Variants in QTMAN observed in about 807,000 individuals in gnomAD.
QTMAN encodes queuosine-tRNA mannosyltransferase, also known as tRNA-queuosine alpha-mannosyltransferase.
At chr2:144,193,303 A>C in the QTMAN span, among the ~76,000 whole-genome samples, 2 of 151,826 alleles carry the variant, frequency 1.3e-5, no homozygotes, top group Non-Finnish European at 2.9e-5. Context: ...ATGTTAACTG[A>C]AGAAAATGAA....
the QTMAN span, among the ~76,000 whole-genome samples, chr2:143,954,731 T>G: frequency 6.6e-6 from 1 of 152,132 alleles, no homozygotes; most frequent in African/African-American, 2.4e-5. Context: ...TAAAACCAAT[T>G]TATAAAATTC....
chr2:144,263,383 T>C, the QTMAN span, among the ~76,000 whole-genome samples: 5 of 152,250 alleles, frequency 3.3e-5, no homozygotes, highest in South Asian at 4.1e-4. Context: ...CAGTGTACCA[T>C]AGTGCAAAGA....
At chr2:143,965,480 T>C in the QTMAN span, among the ~76,000 whole-genome samples, 1 of 152,186 alleles carries the variant, frequency 6.6e-6, no homozygotes, top group African/African-American at 2.4e-5. Context: ...TCCTTTTCAT[T>C]GCACAGATGG....
chr2:144,273,081 T>C, the QTMAN span, among the ~76,000 whole-genome samples: 1 of 152,270 alleles, frequency 6.6e-6, no homozygotes, highest in East Asian at 1.9e-4. Context: ...TGATAAATAA[T>C]CCAGTATTTA....
the QTMAN span, among the ~76,000 whole-genome samples, chr2:144,049,038 C>T: frequency 9.4e-6 from 1 of 106,248 alleles, no homozygotes; most frequent in East Asian, 2.7e-4. Context: ...GTAGATCTAG[C>T]TGTAAATATG....
the QTMAN span, among the ~76,000 whole-genome samples, chr2:144,049,872 T>C: frequency 1.3e-5 from 2 of 152,144 alleles, no homozygotes; most frequent in Admixed American, 1.3e-4. Flanking sequence ...ATCTATTATG[T>C]TTACATTTCT....
chr2:143,978,737 A>C, the QTMAN span, among the ~76,000 whole-genome samples: 1 of 152,082 alleles, frequency 6.6e-6, no homozygotes, highest in Non-Finnish European at 1.5e-5. Flanking sequence ...CTATGGAACT[A>C]AACTTTCCTC....
the QTMAN span, among the ~76,000 whole-genome samples, chr2:143,988,089 G>A: frequency 6.6e-6 from 1 of 152,192 alleles, no homozygotes; most frequent in African/African-American, 2.4e-5. Flanking sequence ...TGGCCACCAA[G>A]GCATGGGAAC....
the QTMAN span, among the ~76,000 whole-genome samples, chr2:144,127,350 C>G: frequency 2.6e-5 from 4 of 151,960 alleles, no homozygotes; most frequent in Non-Finnish European, 5.9e-5. Flanking sequence ...AGGAAAGGGT[C>G]ATGAGTATCC....
the QTMAN span, among the ~76,000 whole-genome samples, chr2:144,217,358 A>C: frequency 6.6e-6 from 1 of 152,026 alleles, no homozygotes; most frequent in Non-Finnish European, 1.5e-5. Context: ...ATACAATATA[A>C]GTTAAAAAAA....
chr2:144,125,991 C>A, the QTMAN span, among the ~76,000 whole-genome samples: 2 of 151,904 alleles, frequency 1.3e-5, no homozygotes, highest in Non-Finnish European at 1.5e-5. Flanking sequence ...AATGCCAACA[C>A]GTATGGAGAA....
chr2:144,118,881 A>AAAAT, the QTMAN span, among the ~76,000 whole-genome samples: 216 of 152,260 alleles, frequency 1.4e-3, no homozygotes, highest in Non-Finnish European at 2.5e-3. Flanking sequence ...ACTTCATCTC[A>AAAAT]AAATAAATAA....
the QTMAN span, among the ~76,000 whole-genome samples, chr2:144,135,271 C>T: frequency 4.6e-5 from 7 of 152,132 alleles, no homozygotes; most frequent in African/African-American, 1.7e-4. Flanking sequence ...AAGTTGGATG[C>T]TGCGCAGATG....
the QTMAN span, chr2:144,332,541 C>T: frequency 6.7e-6 from 1 of 148,182 alleles, no homozygotes; most frequent in Non-Finnish European, 1.5e-5. Flanking sequence ...CCGCGGATGC[C>T]GCCGCCCCTC....
At chr2:144,205,085 T>C in the QTMAN span, among the ~76,000 whole-genome samples, 3 of 152,044 alleles carry the variant, frequency 2.0e-5, no homozygotes, top group African/African-American at 7.2e-5. Context: ...ATGGCACATG[T>C]ATACATATGT....
the QTMAN span, among the ~76,000 whole-genome samples, chr2:144,084,095 C>A: frequency 6.6e-6 from 1 of 152,148 alleles, no homozygotes; most frequent in Non-Finnish European, 1.5e-5. Context: ...CTAGAGAGAA[C>A]TTATTCCAGT....
the QTMAN span, among the ~76,000 whole-genome samples, chr2:144,160,530 T>C: frequency 2.6e-5 from 4 of 152,114 alleles, no homozygotes; most frequent in Non-Finnish European, 4.4e-5. Flanking sequence ...GAACTTTTGG[T>C]ATAGAAGTCA....
chr2:144,258,541 A>G, the QTMAN span, among the ~76,000 whole-genome samples: 2 of 152,244 alleles, frequency 1.3e-5, no homozygotes, highest in African/African-American at 2.4e-5. Context: ...GTTGTAAGGC[A>G]AAGATATGAA....
chr2:144,234,305 G>A, the QTMAN span, among the ~76,000 whole-genome samples: 1 of 152,142 alleles, frequency 6.6e-6, no homozygotes, highest in Non-Finnish European at 1.5e-5. Context: ...CCAAGTGTGT[G>A]CTGCTGCAAC....
Sources: gnomAD v4.1 joint callset for allele counts (sites outside exome capture counted in the v4.1 genomes callset) on GRCh38, gnomAD v4.1.1 for gene constraint, MANE v1.5 for transcripts, NCBI Gene and HGNC (gene_info 2026-07-23, HGNC 2026-07-21) for gene names.